The following STON2 variants were observed in gnomAD, a reference collection of about 807,000 sequenced individuals.
STON2 encodes stonin-2.
Under a neutral mutation model 65.7 loss-of-function variants are expected in STON2, and 29 were observed. The observed-to-expected ratio is 0.44, with a 90% CI of 0.33 to 0.60. The LOEUF (loss-of-function observed/expected upper bound fraction) is 0.60, where lower values mean the gene tolerates loss of function less well. STON2 is among the 20% of genes least tolerant of loss of function. STON2 has a pLI of 0.03. For synonymous variants in STON2, 404 were observed against 414.2 expected, an observed-to-expected ratio of 0.98 and a Z score of 0.30; for missense variants, 1,054 against 1,118.1, an observed-to-expected ratio of 0.94 and a Z score of 0.82.
At chr14:81,343,803 C>A (rs932107542) in intron 4 of STON2, among the ~76,000 whole-genome samples, 1 of 152,108 alleles carries the variant, frequency 6.6e-6, no homozygotes, top group East Asian at 1.9e-4. Flanking sequence ...TCAGAACAAA[C>A]CTGCAGCTCA....
At chr14:81,358,293 G>A (rs1398406047) in intron 4 of STON2, among the ~76,000 whole-genome samples, 2 of 152,120 alleles carry the variant, frequency 1.3e-5, no homozygotes, top group East Asian at 3.8e-4. Flanking sequence ...AGGAGTAAAT[G>A]TGTAGAGTTG....
chr14:81,350,119 G>A lies in STON2; in HGVS notation c.571+20869C>T, dbSNP rs117752828. 5.9e-3 allele frequency among the ~76,000 whole-genome samples: 898 copies of A among 152,186 alleles called. 4 individuals carry two copies. The highest frequency in any genetic ancestry group is 0.028 in the South Asian group (135 of 4,832). On this transcript the variant is annotated intron_variant, in intron 4 of 7. Transcript: ENST00000614646. ...GTTAATGGGTACAAACATACAGTTA[G>A]ATAGAAGGAACAAATTCTGTTTGGT...
At chr14:81,297,464 G>A (rs1375973815) in intron 5 of STON2, among the ~76,000 whole-genome samples, 1 of 152,144 alleles carries the variant, frequency 6.6e-6, no homozygotes, top group Non-Finnish European at 1.5e-5. Flanking sequence ...TACATTGTTA[G>A]AACTGTCCAA....
intron 2 of STON2, among the ~76,000 whole-genome samples, chr14:81,405,380 T>C (rs1275190247): frequency 2.6e-5 from 4 of 152,018 alleles, no homozygotes; most frequent in Non-Finnish European, 5.9e-5. Context: ...CTTTAGTTCT[T>C]TGAACATATT....
chr14:81,368,836 G>A lies in STON2; in HGVS notation c.571+2152C>T, dbSNP rs371362231. Among the ~76,000 whole-genome samples, 5 of 152,272 alleles carry A rather than the reference G, an allele frequency of 3.3e-5. No individual in the cohort carries two copies. The East Asian group carries it at 9.7e-4, about 29-fold the overall frequency. On this transcript the variant is annotated intron_variant, in intron 4 of 7. Coordinates refer to ENST00000614646, the MANE Select transcript of STON2 (RefSeq NM_001394390.1). ...CTCCTCATTCTCTAGTCCCAGATTTGCCTTTGAGTCTCTGGTGTAAACTCT... is the reference window on the plus strand; with the variant it reads ...CTCCTCATTCTCTAGTCCCAGATTTACCTTTGAGTCTCTGGTGTAAACTCT...
At position 81,266,098 on chromosome 14, in the gene STON2, T is replaced by C. The variant is rs1037246346; in HGVS notation, c.*2316A>G. ...AACCACTTATGAAGAAAAAGACAAATGAAGTTAGAGAGTCTTATTACTATT... is the reference window on the plus strand; with the variant it reads ...AACCACTTATGAAGAAAAAGACAAACGAAGTTAGAGAGTCTTATTACTATT... On this transcript the variant is annotated 3_prime_UTR_variant, in exon 8 of 8. Coordinates refer to ENST00000614646, the MANE Select transcript of STON2 (RefSeq NM_001394390.1). 2 of 984,896 alleles carry C rather than the reference T, an allele frequency of 2.0e-6. No homozygotes were observed. Among genetic ancestry groups the C allele is most frequent in the Non-Finnish European group, 2.4e-6 (2 of 829,620 alleles). The allele number at this position is 984,896 out of a possible 1,614,324, so 61.0% of individuals were successfully genotyped here. A position where few individuals can be genotyped will look rare whatever the true frequency, so the allele number is the denominator to read the frequency against.
chr14:81,433,300 C>T lies in STON2; in HGVS notation c.-310+3021G>A, dbSNP rs113594516. ...AGGCCACCGTATTTGCCCTGGCCCT[C>T]ATCGCCTCTTGCTTTTTAGCTCACC... is the stretch of plus-strand genomic sequence containing the variant. On this transcript the variant is annotated intron_variant, in intron 1 of 8. Transcript: ENST00000553821. 4.9e-3 allele frequency among the ~76,000 whole-genome samples: 750 copies of T among 152,334 alleles called. 3 individuals are homozygous for T. Among genetic ancestry groups the T allele is most frequent in the Non-Finnish European group, 9.0e-3 (614 of 68,024 alleles).
At chr14:81,401,771 T>C (rs1900623178), upstream of STON2, among the ~76,000 whole-genome samples, 1 of 152,148 alleles carries the variant, frequency 6.6e-6, no homozygotes, top group Non-Finnish European at 1.5e-5. Flanking sequence ...ATACAAAAAT[T>C]TGTAGAAGGG....
intron 3 of STON2, among the ~76,000 whole-genome samples, chr14:81,379,432 AATAG>A (rs1353427124): frequency 1.3e-5 from 2 of 152,220 alleles, no homozygotes; most frequent in Non-Finnish European, 2.9e-5. Flanking sequence ...GATAGAGATA[AATAG>A]ATAAACATTT....
intron 5 of STON2, among the ~76,000 whole-genome samples, chr14:81,293,691 C>G (rs1479401915): frequency 1.3e-5 from 2 of 152,234 alleles, no homozygotes; most frequent in South Asian, 2.1e-4. Flanking sequence ...CCTTCTTTTG[C>G]TATACTTGGA....
chr14:81,382,187 C>T (rs183230380), intron 3 of STON2, among the ~76,000 whole-genome samples: 2 of 151,870 alleles, frequency 1.3e-5, no homozygotes, highest in African/African-American at 4.8e-5. Flanking sequence ...CCACTGCATT[C>T]CAGCCAGGGC....
rs551436790 is a variant in STON2, at chr14:81,413,098, G to C, written c.-199+14004C>G. On this transcript the variant is annotated intron_variant, in intron 2 of 8. Transcript: ENST00000553821. ...AGAGGAACACTGTGGCTCATATCAA[G>C]AAGGAATGTGACAAGAAGTACAATC... 2.6e-6 allele frequency: 3 copies of C among 1,153,498 alleles called. 1 individual carries two copies. In the African/African-American group the frequency reaches 5.6e-5, roughly 21 times the overall value. 71.5% of individuals were successfully genotyped at this position (1,153,498 alleles called of 1,614,324 possible). A position where few individuals can be genotyped will look rare whatever the true frequency, so the allele number is the denominator to read the frequency against.
chr14:81,381,270 C>T (rs544278012), intron 3 of STON2, among the ~76,000 whole-genome samples: 4 of 151,512 alleles, frequency 2.6e-5, no homozygotes, highest in African/African-American at 9.8e-5. Flanking sequence ...GCATTCATGA[C>T]TTTGGAGTAG....
intron 2 of STON2, among the ~76,000 whole-genome samples, chr14:81,415,690 A>AAAAAAC (rs1901399034): frequency 6.8e-6 from 1 of 146,390 alleles, no homozygotes; most frequent in African/African-American, 2.5e-5. Flanking sequence ...AAAAAAAAAA[A>AAAAAAC]TCTATTGTAA....
Position 81,278,638 on chromosome 14 carries a change from T to C in STON2, c.844A>G (p.Thr282Ala). 1.3e-6 allele frequency: 2 copies of C among 1,573,694 alleles called. No homozygotes were observed. Among genetic ancestry groups the C allele is most frequent in the Non-Finnish European group, 8.6e-7 (1 of 1,158,448 alleles). ...ACCCAGCTGGGAAAACGAGCAGAGG[T>C]CACTGGAGGGGCAGGGTGCCCATTC... ...AMNGHPAPPVTSARFPSWVTF... is the reference protein window; with the variant it reads ...AMNGHPAPPVASARFPSWVTF... The change falls in exon 6 of 8, where the codon ACC becomes GCC. Residue 282 changes from threonine (T) to alanine (A), a missense_variant. Physicochemically the swap from Thr to Ala is moderately conservative, Grantham distance 58. Transcript: ENST00000614646.
intron 5 of STON2, among the ~76,000 whole-genome samples, chr14:81,306,224 T>A (rs1330574992): frequency 0.064 from 5,674 of 89,076 alleles, 549 homozygotes; most frequent in African/African-American, 0.085. Context: ...CATACTCTTT[T>A]TTTTTTTTTT....
Position 81,262,255 on chromosome 14 carries a change from C to A in STON2, c.*6159G>T. 1.0e-6 allele frequency: 1 copy of A among 985,432 alleles called. No homozygotes were observed. The highest frequency in any genetic ancestry group is 1.2e-6 in the Non-Finnish European group (1 of 829,924). 61.0% of individuals were successfully genotyped at this position (985,432 alleles called of 1,614,324 possible). A position where few individuals can be genotyped will look rare whatever the true frequency, so the allele number is the denominator to read the frequency against. ...TAAAGATTCACAGAAACCCCAATTT[C>A]CCCTTAATAAATCCATTATGGCATG... On this transcript the variant is annotated 3_prime_UTR_variant, in exon 8 of 8. Transcript: ENST00000614646.
At chr14:81,321,338 C>T (rs1303377590) in intron 5 of STON2, among the ~76,000 whole-genome samples, 2 of 149,218 alleles carry the variant, frequency 1.3e-5, no homozygotes, top group African/African-American at 2.5e-5. Context: ...CAAGACCAGC[C>T]GAGGCAACAA....
rs1894382107 is a variant in STON2 at position 81,267,014 on chromosome 14, T to C, written c.*1400A>G. On this transcript the variant is annotated 3_prime_UTR_variant, in exon 8 of 8. Transcript: ENST00000614646. ...TCAATACACATTTAGACTCCAATGA[T>C]TGTTCATTGAATACATTAATCTTGA... 8.1e-6 allele frequency: 8 copies of C among 985,348 alleles called. No homozygotes were observed. The highest frequency in any genetic ancestry group is 7.2e-6 in the Non-Finnish European group (6 of 829,824). The allele number at this position is 985,348 out of a possible 1,614,324, so 61.0% of individuals were successfully genotyped here. A position where few individuals can be genotyped will look rare whatever the true frequency, so the allele number is the denominator to read the frequency against.
Sources: gnomAD v4.1 joint callset for allele counts (sites outside exome capture counted in the v4.1 genomes callset) on GRCh38, gnomAD v4.1.1 for gene constraint, MANE v1.5 for transcripts, NCBI Gene and HGNC (gene_info 2026-07-23, HGNC 2026-07-21) for gene names.